The following PCLO variants were observed in gnomAD, a reference collection of about 807,000 sequenced individuals.
PCLO encodes the protein protein piccolo.
Under a neutral mutation model 427.5 loss-of-function variants are expected in PCLO, and 82 were observed. That is an observed-to-expected ratio of 0.19 (90% confidence interval 0.16 to 0.23). The LOEUF is 0.23. PCLO is among the 10% of genes least tolerant of loss of function. PCLO has a pLI of 1.00. For missense variants in PCLO, 6,239 were observed against 6,115.9 expected, an observed-to-expected ratio of 1.02 and a Z score of -0.67; for synonymous variants, 2,357 against 2,155.4, an observed-to-expected ratio of 1.09 and a Z score of -2.59.
chr7:83,131,138 G>A (rs1791560965), intron 3 of PCLO, among the ~76,000 whole-genome samples: 1 of 152,126 alleles, frequency 6.6e-6, no homozygotes, highest in Admixed American at 6.5e-5. Context: ...AAGCTCAACT[G>A]CCATTTTTAA....
At chr7:82,951,703 A>G (rs895386994) in intron 5 of PCLO, among the ~76,000 whole-genome samples, 153 bp downstream of exon 5, 4 of 152,182 alleles carry the variant, frequency 2.6e-5, no homozygotes, top group African/African-American at 4.8e-5. Flanking sequence ...AAGGAACAAA[A>G]GCGCACTTGT....
chr7:82,949,838 T>C lies in PCLO; in HGVS notation c.10750A>G (p.Thr3584Ala). Residue 3584 changes from threonine to alanine, a missense_variant, in exon 6 of 25, where the codon ACA becomes GCA. Physicochemically the swap from Thr to Ala is moderately conservative, Grantham distance 58. This residue lies in a region of PCLO where 4,677 missense variants were observed against 4,468.4 expected (regional missense o/e 1.05). Transcript: ENST00000333891. ...CGTTTCTTGTCTTTGGGTGGAGATG[T>C]GGCACTCAGATATTGAGGACTTTGT... ...DTQSPQYLSA[T>A]SPPKDKKRPT... The C allele has an allele frequency of 1.9e-6, 3 of 1,613,778 alleles. No homozygotes were observed. Among genetic ancestry groups the C allele is most frequent in the Non-Finnish European group, 2.5e-6 (3 of 1,179,826 alleles).
chr7:83,059,431 A>G (rs1363905237), intron 3 of PCLO, among the ~76,000 whole-genome samples: 1 of 147,844 alleles, frequency 6.8e-6, no homozygotes, highest in Non-Finnish European at 1.5e-5. Flanking sequence ...TTTGGCTAAA[A>G]CACATTTATC....
Position 82,956,010 on chromosome 7 carries a change from G to A in PCLO, c.4943C>T (p.Thr1648Ile), listed in dbSNP as rs745426174. ...DESPELKYRE[T>I]KSQESEELVV... ...AAGTTCTTCACTTTCCTGACTTTTA[G>A]TTTCTCTGTATTTAAGTTCAGGACT... The change falls in exon 5 of 25, where the codon ACT (threonine) becomes ATT (isoleucine). Residue 1648 changes from threonine (T) to isoleucine (I), a missense_variant. Transcript: ENST00000333891. 1 of 1,613,218 alleles carries A rather than the reference G, an allele frequency of 6.2e-7. No homozygotes were observed.
intron 20 of PCLO, among the ~76,000 whole-genome samples, chr7:82,817,253 T>C (rs1791695714): frequency 6.6e-6 from 1 of 152,216 alleles, no homozygotes; most frequent in African/African-American, 2.4e-5. Flanking sequence ...TTAAAAAATT[T>C]TTTTGCACAA....
rs566742166 is a variant in PCLO at position 83,131,500 on chromosome 7, AG to A, written c.3300+2749del. 1.3e-4 allele frequency among the ~76,000 whole-genome samples: 20 copies of A among 152,296 alleles called. No individual in the cohort carries two copies. The South Asian group carries it at 3.9e-3, about 30-fold the overall frequency. Reference sequence around the variant, plus strand: ...GGAGAAACAGAATAGCCAAAGGGAGAGGGGGCCAGGGTGGCACCAGCAGGAA... The same window carrying A: ...GGAGAAACAGAATAGCCAAAGGGAGAGGGGCCAGGGTGGCACCAGCAGGAA... On this transcript the variant is annotated intron_variant, in intron 3 of 24. Coordinates refer to ENST00000333891, the MANE Select transcript of PCLO (RefSeq NM_033026.6).
At chr7:83,027,924 T>G (rs1435398612) in intron 3 of PCLO, among the ~76,000 whole-genome samples, 1 of 134,658 alleles carries the variant, frequency 7.4e-6, no homozygotes, top group African/African-American at 2.7e-5. Context: ...TGCTAAAAAC[T>G]CTCAATAAAT....
At chr7:83,015,272 A>T (rs765347038) in intron 3 of PCLO, among the ~76,000 whole-genome samples, 1 of 152,004 alleles carries the variant, frequency 6.6e-6, no homozygotes, top group Admixed American at 6.6e-5. Context: ...ATGTCTCAAC[A>T]GTTCTGGACC....
intron 5 of PCLO, 29 bp downstream of exon 5, chr7:82,951,827 G>A (rs1795357347): frequency 6.3e-7 from 1 of 1,582,046 alleles, no homozygotes; most frequent in South Asian, 1.2e-5. Context: ...GATATTTCAA[G>A]GAAAGGTCTG....
intron 9 of PCLO, among the ~76,000 whole-genome samples, chr7:82,900,645 G>A (rs73710067): frequency 0.024 from 3,663 of 151,700 alleles, 155 homozygotes; most frequent in African/African-American, 0.083. Context: ...GATTGGAGGA[G>A]ATATAGGAGT....
chr7:83,147,701 A>G (rs968014190), intron 2 of PCLO, among the ~76,000 whole-genome samples: 7 of 152,200 alleles, frequency 4.6e-5, no homozygotes, highest in Non-Finnish European at 8.8e-5. Context: ...TACTTGTTTA[A>G]GCATTTGATG....
intron 3 of PCLO, among the ~76,000 whole-genome samples, chr7:83,038,488 CT>C: frequency 6.6e-6 from 1 of 151,874 alleles, no homozygotes; most frequent in Non-Finnish European, 1.5e-5. Context: ...AATATGCAGT[CT>C]TTTTTGTTGG....
intron 2 of PCLO, among the ~76,000 whole-genome samples, chr7:83,151,307 T>C (rs1490712973): frequency 1.3e-5 from 2 of 152,246 alleles, no homozygotes; most frequent in African/African-American, 2.4e-5. Flanking sequence ...CTGTTATCTA[T>C]GTAAAAAAGA....
At chr7:83,024,585 G>A (rs973558316) in intron 3 of PCLO, among the ~76,000 whole-genome samples, 67 of 152,286 alleles carry the variant, frequency 4.4e-4, no homozygotes, top group East Asian at 1.9e-4. Context: ...CAGGAAGCTC[G>A]AACTGGGTGG....
At chr7:83,024,116 T>C (rs1297575010) in intron 3 of PCLO, among the ~76,000 whole-genome samples, 1 of 152,154 alleles carries the variant, frequency 6.6e-6, no homozygotes, top group Non-Finnish European at 1.5e-5. Flanking sequence ...GATGGCCGAA[T>C]AGGAACAGCT....
In PCLO at chr7:82,955,863, G is replaced by A. The variant is rs199854284; in HGVS notation, c.5090C>T (p.Pro1697Leu). 70 of 1,613,780 alleles carry A rather than the reference G, an allele frequency of 4.3e-5. No individual in the cohort carries two copies. The African/African-American group carries it at 9.2e-4, about 21-fold the overall frequency. ...KKTSLYFDEEPELEMESLTDS... is the reference protein window; with the variant it reads ...KKTSLYFDEELELEMESLTDS... ...TGTCAGGCTTTCCATTTCCAATTCTGGCTCTTCGTCAAAATACAAACTTGT... is the reference window on the plus strand; with the variant it reads ...TGTCAGGCTTTCCATTTCCAATTCTAGCTCTTCGTCAAAATACAAACTTGT... The change falls in exon 5 of 25, where the codon CCA (proline) becomes CTA (leucine). Residue 1697 changes from proline (P) to leucine (L), a missense_variant. Pro to Leu is a moderately conservative substitution (Grantham distance 98). Around this residue, in one of 5 missense-constraint regions of PCLO, gnomAD observed 4,677 missense variants for 4,468.4 expected, o/e 1.05. Coordinates refer to ENST00000333891, the MANE Select transcript of PCLO (RefSeq NM_033026.6).
chr7:82,803,781 C>G (rs1345596102), intron 21 of PCLO, among the ~76,000 whole-genome samples: 3 of 152,076 alleles, frequency 2.0e-5, no homozygotes, highest in Non-Finnish European at 4.4e-5. Flanking sequence ...AAAGAACTGC[C>G]AAATACTACT....
rs746054139 is a variant in PCLO at position 83,134,242 on chromosome 7, T to TATATATATATATATATAAATAA, written c.3300+7_3300+8insTTATTTATATATATATATATAT. On this transcript the variant is annotated splice_region_variant and intron_variant, in intron 3 of 24. Transcript: ENST00000333891. ...TAATATATATATATATATATATATA[T>TATATATATATATATATAAATAA]AACTTACCTCAGTCAAATGTGGTGT... 9.5e-7 allele frequency: 1 copy of TATATATATATATATATAAATAA among 1,055,358 alleles called. No individual in the cohort carries two copies. The highest frequency in any genetic ancestry group is 1.3e-6 in the Non-Finnish European group (1 of 752,694). 65.4% of individuals were successfully genotyped at this position (1,055,358 alleles called of 1,614,324 possible).
At position 83,005,295 on chromosome 7, in the gene PCLO, C is replaced by T. The variant is rs374576098; in HGVS notation, c.3301-38808G>A. Among the ~76,000 whole-genome samples, 6 of 151,586 alleles carry T rather than the reference C, an allele frequency of 4.0e-5. No homozygotes were observed. In the East Asian group the frequency reaches 7.7e-4, roughly 20 times the overall value. On this transcript the variant is annotated intron_variant, in intron 3 of 24. Coordinates refer to ENST00000333891, the MANE Select transcript of PCLO (RefSeq NM_033026.6). ...ATGGATAAACCTAAAAGACATTATG[C>T]TAAGTGTAATAAGACAGAAACAGGA... is the stretch of plus-strand genomic sequence containing the variant.
Sources: gnomAD v4.1 joint callset for allele counts (sites outside exome capture counted in the v4.1 genomes callset) on GRCh38, gnomAD v4.1.1 for gene constraint, gnomAD v4.1.1 regional missense constraint, MANE v1.5 for transcripts, NCBI Gene and HGNC (gene_info 2026-07-23, HGNC 2026-07-21) for gene names.